RBFOX3: variants seen among roughly 807,000 people sequenced by gnomAD.
The protein encoded by RBFOX3 is RNA binding fox-1 homolog 3, also known as RNA binding protein fox-1 homolog 3.
In RBFOX3, 17 loss-of-function variants were observed where a neutral mutation model predicts 48.7. That is an observed-to-expected ratio of 0.35 (90% CI 0.24 to 0.52). RBFOX3 has a LOEUF of 0.52. Among genes scored for constraint, RBFOX3 ranks in the 20% least tolerant of loss-of-function variants. RBFOX3 has a pLI of 0.94. For synonymous variants in RBFOX3, 212 were observed against 209.5 expected (o/e 1.01, Z -0.10); for missense variants, 382 against 497.5 (o/e 0.77, Z 2.21).
chr17:79,433,065 T>C (rs1172551285), intron 2 of RBFOX3, among the ~76,000 whole-genome samples: 6 of 152,166 alleles, frequency 3.9e-5, no homozygotes, highest in Admixed American at 3.3e-4. Context: ...CTGGTGTTGG[T>C]GTGGTTGGCA....
At chr17:79,160,207 T>C (rs2046690220) in intron 4 of RBFOX3, among the ~76,000 whole-genome samples, 1 of 151,752 alleles carries the variant, frequency 6.6e-6, no homozygotes, top group Admixed American at 6.6e-5. Context: ...TGATTCATGA[T>C]GCCCTCCCAG....
At chr17:79,164,738 TCA>T (rs2145470661) in intron 4 of RBFOX3, among the ~76,000 whole-genome samples, 1 of 152,264 alleles carries the variant, frequency 6.6e-6, no homozygotes, top group South Asian at 2.1e-4. Flanking sequence ...CCTGGGAGCC[TCA>T]CCCGCGTGGT....
At chr17:79,507,121 C>T (rs1226741055) in intron 1 of RBFOX3, among the ~76,000 whole-genome samples, 2 of 152,042 alleles carry the variant, frequency 1.3e-5, no homozygotes, top group Non-Finnish European at 2.9e-5. Context: ...GGCAGACCCC[C>T]GGGGGAGGCT....
chr17:79,431,048 A>G (rs1367765116), intron 2 of RBFOX3, among the ~76,000 whole-genome samples: 2 of 152,200 alleles, frequency 1.3e-5, no homozygotes, highest in Non-Finnish European at 2.9e-5. Context: ...AGTTTCCCGG[A>G]TCAAACCAGA....
chr17:79,149,513 T>A (rs1158720850), intron 4 of RBFOX3, among the ~76,000 whole-genome samples: 12 of 151,912 alleles, frequency 7.9e-5, no homozygotes, highest in Non-Finnish European at 1.8e-4. Flanking sequence ...TTTGGTGGGC[T>A]GTGGGGAGGA....
At chr17:79,164,672 C>A (rs2047645503) in intron 4 of RBFOX3, among the ~76,000 whole-genome samples, 1 of 152,216 alleles carries the variant, frequency 6.6e-6, no homozygotes. Context: ...GTGAGCCCTT[C>A]TCTTGGTGAG....
intron 3 of RBFOX3, among the ~76,000 whole-genome samples, chr17:79,264,216 C>T (rs983371826): frequency 6.6e-6 from 1 of 151,720 alleles, no homozygotes; most frequent in Non-Finnish European, 1.5e-5. Flanking sequence ...GCTGGGATTA[C>T]AGGCACCTGC....
rs1028910763 is a variant in RBFOX3, at chr17:79,199,824, C to CCGCTA, written c.-34+35941_-34+35942insTAGCG. Among the ~76,000 whole-genome samples the CCGCTA allele has an allele frequency of 6.6e-6, 1 of 152,142 alleles. No individual in the cohort carries two copies. Among genetic ancestry groups the CCGCTA allele is most frequent in the African/African-American group, 2.4e-5 (1 of 41,430 alleles). On this transcript the variant is annotated intron_variant, in intron 4 of 14. Coordinates refer to ENST00000693108, the MANE Select transcript of RBFOX3 (RefSeq NM_001350451.2). The surrounding 1 kb of genome is among the most constrained non-coding windows in gnomAD (Gnocchi z 5.1). ...TCAGGAGAGTGTCTATTCTACAGTA[C>CCGCTA]CGCTCTAAAGCTTCCCACATCTCAG...
intron 4 of RBFOX3, among the ~76,000 whole-genome samples, chr17:79,146,991 G>A (rs2043171573): frequency 6.6e-6 from 1 of 152,212 alleles, no homozygotes; most frequent in South Asian, 2.1e-4. Flanking sequence ...ACCCAGGGGT[G>A]AGATCCTTTA....
In RBFOX3 at chr17:79,364,177, T is replaced by A. The variant is rs901823124; in HGVS notation, c.-174-56353A>T. 6.6e-6 allele frequency among the ~76,000 whole-genome samples: 1 copy of A among 152,204 alleles called. No homozygotes were observed. Among genetic ancestry groups the A allele is most frequent in the Non-Finnish European group, 1.5e-5 (1 of 68,040 alleles). ...CCCAGAAGGCAGGCTCCGTGGGAAC[T>A]GGTGTTCAGCCTTCCTCTCTGCTCC... On this transcript the variant is annotated intron_variant, in intron 2 of 14. Transcript: ENST00000693108. The surrounding 1 kb of genome is among the most constrained non-coding windows in gnomAD (Gnocchi z 5.1).
rs943092370 is a variant in RBFOX3 at position 79,535,066 on chromosome 17, C to T, written c.-319-52468G>A. Among the ~76,000 whole-genome samples the T allele has an allele frequency of 1.1e-4, 16 of 152,214 alleles. No individual in the cohort carries two copies. The highest frequency in any genetic ancestry group is 3.9e-4 in the East Asian group (2 of 5,192). On this transcript the variant is annotated intron_variant, in intron 1 of 14. Transcript: ENST00000693108. This position sits in a 1 kb window ranked among gnomAD's most constrained non-coding sequence, Gnocchi z 4.5. ...ACCTGACCCAAACTGGCTGAAGCCA[C>T]GAGGAAGCGTGCCAGTCACATGACG...
At chr17:79,663,442 G>A in the RBFOX3 span, among the ~76,000 whole-genome samples, 9 of 152,258 alleles carry the variant, frequency 5.9e-5, no homozygotes, top group Middle Eastern at 0.01. Flanking sequence ...CTGGGCTGAG[G>A]CTGTTCTCCT....
intron 6 of RBFOX3, among the ~76,000 whole-genome samples, chr17:79,106,398 G>A (rs1212132489): frequency 6.6e-6 from 1 of 152,058 alleles, no homozygotes; most frequent in African/African-American, 2.4e-5. Flanking sequence ...TGGGGTTTGA[G>A]GGGCAGCCGC....
rs898370472 is a variant in RBFOX3, at chr17:79,480,203, A to C, written c.-175+2251T>G. Among the ~76,000 whole-genome samples, 1 of 152,034 alleles carries C rather than the reference A, an allele frequency of 6.6e-6. No individual in the cohort carries two copies. On this transcript the variant is annotated intron_variant, in intron 2 of 14. Transcript: ENST00000693108. This position sits in a 1 kb window ranked among gnomAD's most constrained non-coding sequence, Gnocchi z 4.8. The stretch of plus-strand genomic sequence containing the variant: ...ACAGGCTGGGGTGTGTGGCCTTCCT[A>C]TCTGGGCTCCCCGAGGGGGCCCCTG...
chr17:79,511,414 A>T (rs1443352147), intron 1 of RBFOX3, among the ~76,000 whole-genome samples: 1 of 152,108 alleles, frequency 6.6e-6, no homozygotes, highest in African/African-American at 2.4e-5. Flanking sequence ...CCTGCCCATG[A>T]GGCTCTTGGT....
At chr17:79,521,291 C>T (rs1200651015) in intron 1 of RBFOX3, among the ~76,000 whole-genome samples, 3 of 151,250 alleles carry the variant, frequency 2.0e-5, no homozygotes, top group African/African-American at 7.3e-5. Flanking sequence ...TGCACAGACA[C>T]ACTCACAGAT....
At position 79,516,149 on chromosome 17, in the gene RBFOX3, AGT is replaced by A. The variant is rs1382275770; in HGVS notation, c.-319-33553_-319-33552del. ...CAGGAGCACCAGCTGCTGCTGTATC[AGT>A]CTGCATTCTCTGGGCATGACAAATG... On this transcript the variant is annotated intron_variant, in intron 1 of 14. Transcript: ENST00000693108. 7.9e-5 allele frequency: 12 copies of A among 152,402 alleles called. No homozygotes were observed. The East Asian group carries it at 2.3e-3, about 29-fold the overall frequency. 9.4% of individuals were successfully genotyped at this position (152,402 alleles called of 1,614,324 possible).
At chr17:79,496,011 G>A (rs2081480732) in intron 1 of RBFOX3, among the ~76,000 whole-genome samples, 1 of 151,980 alleles carries the variant, frequency 6.6e-6, no homozygotes, top group South Asian at 2.1e-4. Flanking sequence ...ATGTTGAACG[G>A]CCGACATGTT....
chr17:79,270,419 A>G (rs758575338), intron 3 of RBFOX3, among the ~76,000 whole-genome samples: 4 of 152,062 alleles, frequency 2.6e-5, no homozygotes, highest in Non-Finnish European at 2.9e-5. Context: ...CCAGCTCAAG[A>G]GCGGGCACCC....
Sources: gnomAD v4.1 joint callset for allele counts (sites outside exome capture counted in the v4.1 genomes callset) on GRCh38, gnomAD v4.1.1 for gene constraint, Gnocchi (gnomAD v3.1) non-coding constraint, MANE v1.5 for transcripts, NCBI Gene and HGNC (gene_info 2026-07-23, HGNC 2026-07-21) for gene names.